COBLL1: variants seen among roughly 807,000 people sequenced by gnomAD.
COBLL1 encodes the protein cordon-bleu WH2 repeat protein like 1, also known as cordon-bleu protein-like 1.
A neutral mutation model predicts 94.8 loss-of-function variants in COBLL1; 50 were observed. That is an observed-to-expected ratio of 0.53 (90% confidence interval 0.42 to 0.67). The LOEUF is 0.67. Ranked by LOEUF, COBLL1 falls within the 30% of genes least tolerant of loss-of-function variation. The pLI is 0.00. For synonymous variants in COBLL1, 448 were observed against 473.8 expected, an observed-to-expected ratio of 0.95 and a Z score of 0.71; for missense variants, 1,362 against 1,348.7, an observed-to-expected ratio of 1.01 and a Z score of -0.15.
At position 164,763,939 on chromosome 2, in the gene COBLL1, C is replaced by A. The variant is rs113516142; in HGVS notation, c.42-20064G>T. ...TGAGACAGGGTCTCGCTCTATCATC[C>A]AGGCTGGAGTGCAGGGGCGTAACTG... is the stretch of plus-strand genomic sequence containing the variant. On this transcript the variant is annotated intron_variant, in intron 2 of 13. Coordinates refer to ENST00000652658, the MANE Select transcript of COBLL1 (RefSeq NM_001365672.2). Among the ~76,000 whole-genome samples, 450 of 152,284 alleles carry A rather than the reference C, an allele frequency of 3.0e-3. 1 individual carries two copies. Among genetic ancestry groups the A allele is most frequent in the African/African-American group, 9.9e-3 (412 of 41,552 alleles).
intron 9 of COBLL1, among the ~76,000 whole-genome samples, chr2:164,701,748 T>C (rs1238620448): frequency 2.0e-5 from 3 of 152,140 alleles, no homozygotes; most frequent in African/African-American, 7.2e-5. Flanking sequence ...GCAGTTAATG[T>C]TCATGCTTAT....
At chr2:164,768,811 GCCTT>G (rs1318511550) in intron 2 of COBLL1, among the ~76,000 whole-genome samples, 1 of 152,078 alleles carries the variant, frequency 6.6e-6, no homozygotes, top group Non-Finnish European at 1.5e-5. Context: ...GAAAGCACTG[GCCTT>G]CCTATTTCCT....
chr2:164,836,207 T>C (rs1683310660), intron 2 of COBLL1, among the ~76,000 whole-genome samples: 3 of 152,248 alleles, frequency 2.0e-5, no homozygotes, highest in East Asian at 1.9e-4. Flanking sequence ...AAAATAAGTA[T>C]AGACTTTGTC....
At chr2:164,815,818 C>T (rs920131013) in intron 2 of COBLL1, among the ~76,000 whole-genome samples, 6 of 152,110 alleles carry the variant, frequency 3.9e-5, no homozygotes, top group Admixed American at 2.0e-4. Flanking sequence ...CTACCTGACA[C>T]GCACAAGAGA....
rs188506595 is a variant in COBLL1 at position 164,699,537 on chromosome 2, A to G, written c.1461-38T>C. 24 of 1,197,288 alleles carry G rather than the reference A, an allele frequency of 2.0e-5. No homozygotes were observed. The African/African-American group carries it at 3.3e-4, about 16-fold the overall frequency. The allele number at this position is 1,197,288 out of a possible 1,614,324, so 74.2% of individuals were successfully genotyped here. Reference sequence around the variant, plus strand: ...ACATTGTATGTTATATGTTGATACTATTGAAACACACACATACACACACAC... The same window carrying G: ...ACATTGTATGTTATATGTTGATACTGTTGAAACACACACATACACACACAC... On this transcript the variant is annotated intron_variant, in intron 10 of 13. Coordinates refer to ENST00000652658, the MANE Select transcript of COBLL1 (RefSeq NM_001365672.2).
intron 13 of COBLL1, among the ~76,000 whole-genome samples, chr2:164,691,241 G>A (rs1415053545): frequency 2.6e-5 from 4 of 152,224 alleles, no homozygotes; most frequent in African/African-American, 9.6e-5. Context: ...TGTTGATATG[G>A]TTGAAAGGCC....
chr2:164,805,331 C>CTATATATATATATATA (rs1287905601), intron 2 of COBLL1, among the ~76,000 whole-genome samples: 1 of 21,290 alleles, frequency 4.7e-5, no homozygotes, highest in African/African-American at 1.8e-4. Flanking sequence ...CTCTCTCTCT[C>CTATATATATATATATA]TCTCTCTATA....
At chr2:164,816,568 TAG>T (rs1379643241) in intron 2 of COBLL1, among the ~76,000 whole-genome samples, 1 of 152,160 alleles carries the variant, frequency 6.6e-6, no homozygotes, top group Non-Finnish European at 1.5e-5. Context: ...AGGCCTAAAT[TAG>T]AAATTTTATT....
At position 164,743,682 on chromosome 2, in the gene COBLL1, C is replaced by G; in HGVS notation, c.230+5G>C. The G allele has an allele frequency of 6.2e-7, 1 of 1,609,490 alleles. No individual in the cohort carries two copies. Among genetic ancestry groups the G allele is most frequent in the Non-Finnish European group, 8.5e-7 (1 of 1,176,118 alleles). On this transcript the variant is annotated splice_donor_5th_base_variant and intron_variant, in intron 3 of 13. Coordinates refer to ENST00000652658, the MANE Select transcript of COBLL1 (RefSeq NM_001365672.2). ...GGTCCTGATATTTCATTTACTCCAG[C>G]GTACCTGCCATGAACAGTAGTAGAT...
chr2:164,665,340 AAGAAAG>A (rs1165333022), intron 2 of COBLL1, among the ~76,000 whole-genome samples: 1 of 114,084 alleles, frequency 8.8e-6, no homozygotes, highest in Admixed American at 7.9e-5. Context: ...CAAAAAAAAA[AAGAAAG>A]AAAGAAAGAA....
At chr2:164,748,702 C>G (rs1686987008) in intron 2 of COBLL1, among the ~76,000 whole-genome samples, 2 of 151,996 alleles carry the variant, frequency 1.3e-5, no homozygotes. Flanking sequence ...TTCCCCTTAA[C>G]AGTAAACAAC....
At chr2:164,749,981 C>A (rs1349046383) in intron 2 of COBLL1, among the ~76,000 whole-genome samples, 2 of 152,170 alleles carry the variant, frequency 1.3e-5, no homozygotes, top group Non-Finnish European at 2.9e-5. Context: ...CACTGCCACT[C>A]CTCAGTCTCC....
chr2:164,838,441 T>C (rs1683426385), intron 2 of COBLL1, among the ~76,000 whole-genome samples: 1 of 152,250 alleles, frequency 6.6e-6, no homozygotes, highest in South Asian at 2.1e-4. Flanking sequence ...ACTACATTTT[T>C]CCTGAAATGT....
At chr2:164,689,765 A>T (rs562472059) in intron 13 of COBLL1, among the ~76,000 whole-genome samples, 1 of 152,272 alleles carries the variant, frequency 6.6e-6, no homozygotes, top group South Asian at 2.1e-4. Context: ...AATAACATTT[A>T]TCTGGATTAC....
intron 3 of COBLL1, among the ~76,000 whole-genome samples, chr2:164,739,056 T>C (rs1686465138): frequency 6.6e-6 from 1 of 152,128 alleles, no homozygotes; most frequent in Admixed American, 6.6e-5. Flanking sequence ...TATGCAGAAA[T>C]GCCCAAGAGT....
intron 2 of COBLL1, among the ~76,000 whole-genome samples, chr2:164,832,049 T>C (rs143958802): frequency 1.2e-3 from 185 of 152,340 alleles, no homozygotes; most frequent in African/African-American, 4.3e-3. Context: ...AATACACAAC[T>C]GTAGTAGCTA....
rs1050662316 is a variant in COBLL1 at position 164,687,400 on chromosome 2, T to G, written c.3301-1368A>C. ...GTCTTCAAATTCATCGACATTGAAC[T>G]TGGTGAAGCCCCATTTCTTTGAGAA... On this transcript the variant is annotated intron_variant, in intron 13 of 13. Coordinates refer to ENST00000652658, the MANE Select transcript of COBLL1 (RefSeq NM_001365672.2). 13 of 865,534 alleles carry G rather than the reference T, an allele frequency of 1.5e-5. No homozygotes were observed. In the East Asian group the frequency reaches 3.2e-4, roughly 21 times the overall value. 53.6% of individuals were successfully genotyped at this position (865,534 alleles called of 1,614,324 possible).
At chr2:164,748,162 A>G (rs1335023984) in intron 2 of COBLL1, among the ~76,000 whole-genome samples, 1 of 152,176 alleles carries the variant, frequency 6.6e-6, no homozygotes, top group East Asian at 1.9e-4. Flanking sequence ...TGTGATCCAT[A>G]CACATTAAAT....
At chr2:164,714,484 T>C (rs1392067953) in intron 7 of COBLL1, among the ~76,000 whole-genome samples, 3 of 151,406 alleles carry the variant, frequency 2.0e-5, no homozygotes, top group Admixed American at 1.3e-4. Flanking sequence ...GTGATGAGGA[T>C]AGAGGTGTTT....
Sources: gnomAD v4.1 joint callset for allele counts (sites outside exome capture counted in the v4.1 genomes callset) on GRCh38, gnomAD v4.1.1 for gene constraint, MANE v1.5 for transcripts, NCBI Gene and HGNC (gene_info 2026-07-23, HGNC 2026-07-21) for gene names.